The following GTF3C5 variants were observed in gnomAD, a reference collection of about 807,000 sequenced individuals.
GTF3C5 encodes the protein general transcription factor IIIC subunit 5.
Under a neutral mutation model 61.0 loss-of-function variants are expected in GTF3C5, and 47 were observed. The ratio of observed to expected loss-of-function variants is 0.77; its 90% confidence interval spans 0.61 to 0.98. The LOEUF is 0.98. GTF3C5 is among the 50% of genes least tolerant of loss of function. The pLI, the probability that GTF3C5 is intolerant of heterozygous loss-of-function variation, is 0.00. For missense variants in GTF3C5, 659 were observed against 703.3 expected (o/e 0.94, Z 0.71); for synonymous variants, 295 against 275.4 (o/e 1.07, Z -0.71).
At chr9:133,049,786 AT>A (rs549666534) in intron 3 of GTF3C5, among the ~76,000 whole-genome samples, 238 of 152,236 alleles carry the variant, frequency 1.6e-3, no homozygotes, top group Middle Eastern at 3.4e-3. Flanking sequence ...TTAAGACTTT[AT>A]TTTTTTAGAG....
chr9:133,035,896 C>A (rs146589130), intron 1 of GTF3C5, among the ~76,000 whole-genome samples: 2 of 152,134 alleles, frequency 1.3e-5, no homozygotes, highest in East Asian at 1.9e-4. Context: ...AGACCTCGTT[C>A]GGTCCAAATT....
chr9:133,043,656 T>C (rs1850103502), intron 2 of GTF3C5, 72 bp from the exon 3 acceptor site: 1 of 1,213,096 alleles, frequency 8.2e-7, no homozygotes, highest in Non-Finnish European at 1.2e-6. Flanking sequence ...CCTAAGCAGA[T>C]GTGGGTGTCG....
chr9:133,030,876 CT>C, upstream of GTF3C5: 1 of 1,039,068 alleles, frequency 9.6e-7, no homozygotes, highest in Non-Finnish European at 1.5e-6. Flanking sequence ...GCCCTCGCGT[CT>C]TGCTGAGCCC....
rs751250265 is a variant in GTF3C5 at position 133,056,803 on chromosome 9, A to G, written c.1288A>G (p.Asn430Asp). 6.2e-7 allele frequency: 1 copy of G among 1,610,180 alleles called. No homozygotes were observed. Among genetic ancestry groups the G allele is most frequent in the South Asian group, 1.1e-5 (1 of 90,470 alleles). The stretch of plus-strand genomic sequence containing the variant: ...CATTCACCGCAATGACGGGGCAGAG[A>G]ATTCCTGCACAGAACGGGATGGGTG... ...KIIHRNDGAE[N>D]SCTERDGWCL... The change falls in exon 10 of 11, where the codon AAT (asparagine) becomes GAT (aspartate). Residue 430 changes from asparagine (N) to aspartate (D), a missense_variant. Transcript: ENST00000372097.
intron 1 of GTF3C5, among the ~76,000 whole-genome samples, chr9:133,036,738 G>A (rs1043206963): frequency 1.3e-5 from 2 of 152,118 alleles, no homozygotes; most frequent in African/African-American, 4.8e-5. Flanking sequence ...GGGCATATGA[G>A]TCAATCCGTA....
rs754188625 is a variant in GTF3C5, at chr9:133,043,908, G to A, written c.554G>A (p.Arg185Gln). The A allele has an allele frequency of 3.7e-6, 6 of 1,613,628 alleles. No individual in the cohort carries two copies. Among genetic ancestry groups the A allele is most frequent in the South Asian group, 1.1e-5 (1 of 91,068 alleles). Residue 185 changes from arginine to glutamine, a missense_variant, in exon 3 of 11, where the codon CGA becomes CAA. Arg to Gln is a conservative substitution (Grantham distance 43, BLOSUM62 1). Transcript: ENST00000372097. ...GACGCCCCGGTGGACTACTTCTACC[G>A]ACCAGAGACCCAGCACCGGTAAGGC... ...RLDAPVDYFY[R>Q]PETQHREGYN...
chr9:133,051,097 C>G, intron 4 of GTF3C5, 119 bp downstream of exon 4: 1 of 678,062 alleles, frequency 1.5e-6, no homozygotes, highest in South Asian at 2.1e-5. Flanking sequence ...TTACCCATTC[C>G]TTAGTGCATG....
Position 133,050,922 on chromosome 9 carries a change from TG to T in GTF3C5, c.714del (p.Trp238Ter), listed in dbSNP as rs769962380. The T allele has an allele frequency of 6.2e-7, 1 of 1,613,646 alleles. No individual in the cohort carries two copies. On this transcript the variant is annotated frameshift_variant, in exon 4 of 11. Transcript: ENST00000372097. LOFTEE classifies it high-confidence loss of function. ...KQPLEAAAQT[W>X]RRVCTNPVDR... ...GCCACTGGAGGCTGCAGCCCAGACG[TG>T]GAGGAGAGTCTGCACTAACCCCGTG... is the stretch of plus-strand genomic sequence containing the variant.
At chr9:133,042,331 G>A (rs1198556945) in intron 2 of GTF3C5, 25 bp downstream of exon 2, 2 of 1,466,766 alleles carry the variant, frequency 1.4e-6, no homozygotes, top group East Asian at 2.3e-5. Flanking sequence ...CTCTTGCAAT[G>A]TCTGGTTATT....
At chr9:133,056,523 C>G (rs1464240087) in intron 9 of GTF3C5, among the ~76,000 whole-genome samples, 3 of 152,198 alleles carry the variant, frequency 2.0e-5, no homozygotes, top group African/African-American at 7.2e-5. Context: ...CCATGGTTCA[C>G]CAGAAGCATG....
At chr9:133,045,046 G>A (rs1039204274) in intron 3 of GTF3C5, among the ~76,000 whole-genome samples, 1 of 152,220 alleles carries the variant, frequency 6.6e-6, no homozygotes, top group Admixed American at 6.5e-5. Flanking sequence ...ATTGTCAAAT[G>A]TAGTCAAATT....
chr9:133,035,082 G>A (rs1477151309), intron 1 of GTF3C5, among the ~76,000 whole-genome samples: 1 of 151,958 alleles, frequency 6.6e-6, no homozygotes, highest in Non-Finnish European at 1.5e-5. Context: ...GTATTCCCCT[G>A]CTATGTCTAG....
chr9:133,055,995 T>TC lies in GTF3C5; in HGVS notation c.1168-12dup. The TC allele has an allele frequency of 6.2e-7, 1 of 1,608,722 alleles. No homozygotes were observed. Among genetic ancestry groups the TC allele is most frequent in the Non-Finnish European group, 8.5e-7 (1 of 1,176,120 alleles). On this transcript the variant is annotated splice_polypyrimidine_tract_variant and intron_variant, in intron 8 of 10. Transcript: ENST00000372097. ...CTCTGGCTCACCTTCCCTGTCTCTC[T>TC]CCCCCTTTGTCACCAGGACTCTGTC... is the stretch of plus-strand genomic sequence containing the variant.
intron 1 of GTF3C5, among the ~76,000 whole-genome samples, chr9:133,038,122 G>A (rs1426894429): frequency 6.6e-6 from 1 of 152,188 alleles, no homozygotes; most frequent in Non-Finnish European, 1.5e-5. Flanking sequence ...TACAGAGCGG[G>A]TAACTAAGGG....
chr9:133,048,356 G>C (rs532547213), intron 3 of GTF3C5, among the ~76,000 whole-genome samples: 1 of 151,922 alleles, frequency 6.6e-6, no homozygotes, highest in East Asian at 1.9e-4. Flanking sequence ...AATTAGCCAG[G>C]TGTGGTGGTG....
chr9:133,046,206 G>A (rs1850198837), intron 3 of GTF3C5, among the ~76,000 whole-genome samples: 2 of 152,082 alleles, frequency 1.3e-5, no homozygotes, highest in South Asian at 4.1e-4. Context: ...GCGTGCACCT[G>A]TATAGCCCTA....
At chr9:133,056,735 C>T in intron 9 of GTF3C5, 31 bp from the exon 10 acceptor site, 1 of 1,562,426 alleles carries the variant, frequency 6.4e-7, no homozygotes, top group Non-Finnish European at 8.7e-7. Flanking sequence ...CGCCCTGGGA[C>T]TTTATGTCCC....
intron 8 of GTF3C5, 128 bp from the exon 9 acceptor site, chr9:133,055,884 C>T: frequency 6.8e-7 from 1 of 1,470,576 alleles, no homozygotes. Context: ...AGCCTGTCTG[C>T]CCAACCTGCT....
At chr9:133,045,290 C>G (rs1462588140) in intron 3 of GTF3C5, among the ~76,000 whole-genome samples, 2 of 152,334 alleles carry the variant, frequency 1.3e-5, no homozygotes, top group East Asian at 3.9e-4. Flanking sequence ...CCATCGTACA[C>G]ATGAGGAAGC....
Sources: allele counts gnomAD v4.1 joint callset (sites outside exome capture counted in the v4.1 genomes callset), GRCh38; gene constraint gnomAD v4.1.1; transcripts MANE v1.5; gene names NCBI Gene and HGNC (gene_info 2026-07-23, HGNC 2026-07-21).